Variants in DCAF12 observed in about 807,000 individuals in gnomAD.
The protein encoded by DCAF12 is DDB1- and CUL4-associated factor 12.
DCAF12 carries 28 observed loss-of-function variants against 52.8 expected under a neutral mutation model. The ratio of observed to expected loss-of-function variants is 0.53; its 90% confidence interval spans 0.39 to 0.73. The LOEUF (loss-of-function observed/expected upper bound fraction) is 0.73, where lower values mean the gene tolerates loss of function less well. Among genes scored for constraint, DCAF12 ranks in the 30% least tolerant of loss-of-function variants. The probability of loss-of-function intolerance (pLI) is 0.00; values close to 1 mark genes in which losing one functional copy is unlikely to be tolerated. For missense variants in DCAF12, 425 were observed against 552.2 expected (o/e 0.77, Z 2.31); for synonymous variants, 196 against 215.5 (o/e 0.91, Z 0.79).
chr9:34,115,525 G>C (rs941791023), intron 2 of DCAF12, among the ~76,000 whole-genome samples: 1 of 145,918 alleles, frequency 6.9e-6, no homozygotes, highest in Non-Finnish European at 1.5e-5. Context: ...CTTGAACCCG[G>C]TAGGCGGAGG....
At chr9:34,099,983 C>T (rs1330354061) in intron 4 of DCAF12, among the ~76,000 whole-genome samples, 1 of 152,082 alleles carries the variant, frequency 6.6e-6, no homozygotes, top group East Asian at 1.9e-4. Flanking sequence ...GGGAATCCTC[C>T]CCTCTAGAGC....
chr9:34,112,098 G>C (rs1250720024), intron 2 of DCAF12, among the ~76,000 whole-genome samples: 1 of 149,016 alleles, frequency 6.7e-6, no homozygotes, highest in East Asian at 2.0e-4. Context: ...AGCCAAGATC[G>C]TGCCATTGCA....
intron 4 of DCAF12, among the ~76,000 whole-genome samples, chr9:34,101,068 T>TC (rs1424969843): frequency 6.7e-6 from 1 of 148,164 alleles, no homozygotes; most frequent in East Asian, 2.0e-4. Context: ...CCCCAACTTT[T>TC]TTTTTTTTTT....
rs1441327810 is a variant in DCAF12 at position 34,086,472 on chromosome 9, C to T, written c.*1878G>A. 2 of 152,132 alleles carry T rather than the reference C, an allele frequency of 1.3e-5. No homozygotes were observed. The highest frequency in any genetic ancestry group is 1.3e-4 in the Admixed American group (2 of 15,264). 9.4% of individuals were successfully genotyped at this position (152,132 alleles called of 1,614,324 possible). On this transcript the variant is annotated 3_prime_UTR_variant, in exon 9 of 9. Coordinates refer to ENST00000361264, the MANE Select transcript of DCAF12 (RefSeq NM_015397.4). ...ACAGAAAATCTCAAACAATCAAACGCATTACCCATTACAGAAGAGGGTCTA... is the reference window on the plus strand; with the variant it reads ...ACAGAAAATCTCAAACAATCAAACGTATTACCCATTACAGAAGAGGGTCTA...
intron 4 of DCAF12, among the ~76,000 whole-genome samples, chr9:34,103,032 G>A (rs1354772446): frequency 6.1e-5 from 8 of 130,520 alleles, no homozygotes; most frequent in Admixed American, 2.4e-4. Flanking sequence ...CAAGGCTGCA[G>A]TGAGCCATGA....
At chr9:34,088,766 C>A (rs1828599343) in intron 8 of DCAF12, among the ~76,000 whole-genome samples, 1 of 152,128 alleles carries the variant, frequency 6.6e-6, no homozygotes, top group African/African-American at 2.4e-5. Context: ...AACCAAAGTT[C>A]TGTTTTCCCT....
intron 4 of DCAF12, among the ~76,000 whole-genome samples, chr9:34,100,097 C>T (rs1444734245): frequency 6.6e-6 from 1 of 151,234 alleles, no homozygotes; most frequent in East Asian, 2.0e-4. Flanking sequence ...AATAGTGGCA[C>T]AATCATAGCT....
chr9:34,124,959 C>T (rs1226597420), intron 2 of DCAF12, 64 bp downstream of exon 2: 1 of 1,582,874 alleles, frequency 6.3e-7, no homozygotes, highest in East Asian at 2.2e-5. Flanking sequence ...AGCAGAGGTT[C>T]TAGAGCAAGT....
chr9:34,113,397 C>T (rs944294051), intron 2 of DCAF12, among the ~76,000 whole-genome samples: 4 of 151,790 alleles, frequency 2.6e-5, no homozygotes, highest in African/African-American at 9.7e-5. Flanking sequence ...AGCTCTGTCA[C>T]CCAAGCTGGA....
chr9:34,108,644 G>T (rs192517604), intron 2 of DCAF12, among the ~76,000 whole-genome samples: 36 of 151,970 alleles, frequency 2.4e-4, no homozygotes, highest in African/African-American at 8.7e-4. Context: ...AAATTAGCTG[G>T]GCATGGTGGC....
chr9:34,102,561 G>A (rs1828845627), intron 4 of DCAF12, among the ~76,000 whole-genome samples: 1 of 152,042 alleles, frequency 6.6e-6, no homozygotes, highest in Non-Finnish European at 1.5e-5. Flanking sequence ...GCTGAGGCAG[G>A]AGAATTGCTT....
At chr9:34,112,699 G>C (rs1046667099) in intron 2 of DCAF12, among the ~76,000 whole-genome samples, 4 of 151,718 alleles carry the variant, frequency 2.6e-5, no homozygotes, top group African/African-American at 9.7e-5. Context: ...GGGAGTTCGA[G>C]ACCAGCCTGA....
chr9:34,091,938 G>T (rs1828651753), intron 7 of DCAF12, among the ~76,000 whole-genome samples: 1 of 152,158 alleles, frequency 6.6e-6, no homozygotes, highest in African/African-American at 2.4e-5. Flanking sequence ...GGTCTTATAT[G>T]TAAAACTATG....
chr9:34,118,467 C>A (rs1829120149), intron 2 of DCAF12, among the ~76,000 whole-genome samples: 1 of 152,072 alleles, frequency 6.6e-6, no homozygotes, highest in South Asian at 2.1e-4. Flanking sequence ...AGGATGCTAA[C>A]AGTTAACGTG....
chr9:34,105,317 T>C (rs890678708), intron 4 of DCAF12, among the ~76,000 whole-genome samples: 1 of 151,238 alleles, frequency 6.6e-6, no homozygotes, highest in Non-Finnish European at 1.5e-5. Flanking sequence ...TCTAAACACT[T>C]TGGGAGGCTG....
intron 2 of DCAF12, among the ~76,000 whole-genome samples, chr9:34,124,655 A>G (rs1420438339): frequency 3.3e-5 from 5 of 152,266 alleles, no homozygotes; most frequent in Middle Eastern, 3.4e-3. Flanking sequence ...TGTTTTCACT[A>G]TTATGTATCC....
intron 4 of DCAF12, among the ~76,000 whole-genome samples, chr9:34,106,044 G>A (rs1028550360): frequency 2.6e-5 from 4 of 151,336 alleles, no homozygotes; most frequent in Non-Finnish European, 5.9e-5. Context: ...CACCACACCC[G>A]GCCTATATTT....
At chr9:34,098,191 A>T (rs1389059133) in intron 5 of DCAF12, 133 bp downstream of exon 5, 1 of 901,794 alleles carries the variant, frequency 1.1e-6, no homozygotes, top group Non-Finnish European at 1.7e-6. Flanking sequence ...AGCATCACTC[A>T]GCCTTTAAGA....
intron 6 of DCAF12, among the ~76,000 whole-genome samples, chr9:34,094,954 A>G: frequency 6.6e-6 from 1 of 152,182 alleles, no homozygotes; most frequent in Non-Finnish European, 1.5e-5. Context: ...ATTTTATGCA[A>G]TATTTTAAAT....
Sources: gnomAD v4.1 joint callset for allele counts (sites outside exome capture counted in the v4.1 genomes callset) on GRCh38, gnomAD v4.1.1 for gene constraint, MANE v1.5 for transcripts, NCBI Gene and HGNC (gene_info 2026-07-23, HGNC 2026-07-21) for gene names.